The following NOL4L variants were observed in gnomAD, a reference collection of about 807,000 sequenced individuals.
NOL4L encodes nucleolar protein 4-like.
Under a neutral mutation model 64.5 loss-of-function variants are expected in NOL4L, and 7 were observed. The ratio of observed to expected loss-of-function variants is 0.11; its 90% CI spans 0.06 to 0.20. The LOEUF (loss-of-function observed/expected upper bound fraction) is 0.20, where lower values mean the gene tolerates loss of function less well. Among genes scored for constraint, NOL4L ranks in the 10% least tolerant of loss-of-function variants. The pLI is 1.00. For missense variants in NOL4L, 680 were observed against 967.1 expected, an observed-to-expected ratio of 0.70 and a Z score of 3.94; for synonymous variants, 413 against 401.0, an observed-to-expected ratio of 1.03 and a Z score of -0.36.
intron 1 of NOL4L, among the ~76,000 whole-genome samples, chr20:32,562,076 T>C (rs1267593230): frequency 6.6e-6 from 1 of 152,116 alleles, no homozygotes; most frequent in East Asian, 1.9e-4. Context: ...CCGAGGGCCA[T>C]GGGGTGCCTG....
chr20:32,447,827 G>A lies in NOL4L; in HGVS notation c.1823-11C>T, dbSNP rs183406769. ...TGAGGTCCGTGGGCCCTGTGGAGAG[G>A]GAAGTAGGGTGAGAAGGGAGCAGCC... On this transcript the variant is annotated splice_polypyrimidine_tract_variant and intron_variant, in intron 10 of 10. Transcript: ENST00000621426. 7,485 of 1,535,296 alleles carry A rather than the reference G, an allele frequency of 4.9e-3. 25 individuals are homozygous for A. The highest frequency in any genetic ancestry group is 6.0e-3 in the Non-Finnish European group (6,846 of 1,139,802).
intron 1 of NOL4L, among the ~76,000 whole-genome samples, chr20:32,567,729 G>A (rs1979513354): frequency 6.6e-6 from 1 of 152,196 alleles, no homozygotes; most frequent in Non-Finnish European, 1.5e-5. Flanking sequence ...TGCTGCAGGA[G>A]CCCAATGTGC....
Position 32,475,386 on chromosome 20 carries a change from T to A in NOL4L, c.700-644A>T, listed in dbSNP as rs188103351. ...AGGAAGGGGGCGGGGCAGGCCAGGG[T>A]TCGGACCAGACCGCAAAGGGGGTTC... On this transcript the variant is annotated intron_variant, in intron 4 of 10. Transcript: ENST00000621426. 3,889 of 980,216 alleles carry A rather than the reference T, an allele frequency of 4.0e-3. 12 individuals carry two copies. Among genetic ancestry groups the A allele is most frequent in the Non-Finnish European group, 4.2e-3 (3,440 of 825,194 alleles). 60.7% of individuals were successfully genotyped at this position (980,216 alleles called of 1,614,324 possible). A position where few individuals can be genotyped will look rare whatever the true frequency, so the allele number is the denominator to read the frequency against.
intron 1 of NOL4L, among the ~76,000 whole-genome samples, chr20:32,560,374 G>C (rs62208017): frequency 0.044 from 6,763 of 152,286 alleles, 328 homozygotes; most frequent in African/African-American, 0.12. Context: ...AGGAAACTGA[G>C]GCTCAGAGAG....
At chr20:32,459,359 G>A (rs142840250) in intron 5 of NOL4L, among the ~76,000 whole-genome samples, 10 of 149,390 alleles carry the variant, frequency 6.7e-5, no homozygotes, top group Admixed American at 4.0e-4. Flanking sequence ...CCCCAGCAGC[G>A]CACACCACGA....
At chr20:32,476,920 C>A (rs904405758) in intron 4 of NOL4L, among the ~76,000 whole-genome samples, 1 of 152,222 alleles carries the variant, frequency 6.6e-6, no homozygotes, top group Non-Finnish European at 1.5e-5. Context: ...TGTGGCTCCA[C>A]GCAAGTTTCA....
At position 32,464,972 on chromosome 20, in the gene NOL4L, T is replaced by C; in HGVS notation, c.842-8577A>G. The C allele has an allele frequency of 1.8e-6, 1 of 557,378 alleles. No individual in the cohort carries two copies. Among genetic ancestry groups the C allele is most frequent in the Non-Finnish European group, 3.3e-6 (1 of 306,820 alleles). The allele number at this position is 557,378 out of a possible 1,614,324, so 34.5% of individuals were successfully genotyped here. A position where few individuals can be genotyped will look rare whatever the true frequency, so the allele number is the denominator to read the frequency against. ...AGGCTCAGTAGCCGTCCTTGGCTAA[T>C]GAATTAGACGTCACACACCTAGATC... On this transcript the variant is annotated intron_variant, in intron 5 of 10. Coordinates refer to ENST00000621426, the MANE Select transcript of NOL4L (RefSeq NM_001256798.2). The surrounding 1 kb of genome is among the most constrained non-coding windows in gnomAD (Gnocchi z 5.6).
intron 4 of NOL4L, chr20:32,483,540 G>A (rs1323612469): frequency 1.0e-6 from 1 of 979,708 alleles, no homozygotes; most frequent in Non-Finnish European, 1.2e-6. Flanking sequence ...GGGTGGCCAG[G>A]AGGAGGGCCC....
In NOL4L at chr20:32,507,460, T is replaced by C. The variant is rs1308739092; in HGVS notation, c.699+3887A>G. On this transcript the variant is annotated intron_variant, in intron 4 of 10. Transcript: ENST00000621426. ...TGAATCTTGTTATTGAATTTTCATATTATCTAATACCCTCTGCAGAGAAGG... is the reference window on the plus strand; with the variant it reads ...TGAATCTTGTTATTGAATTTTCATACTATCTAATACCCTCTGCAGAGAAGG... 2.6e-5 allele frequency among the ~76,000 whole-genome samples: 4 copies of C among 152,188 alleles called. No homozygotes were observed. The East Asian group carries it at 7.7e-4, about 29-fold the overall frequency.
At chr20:32,534,262 A>C (rs1268591534) in intron 1 of NOL4L, among the ~76,000 whole-genome samples, 1 of 152,172 alleles carries the variant, frequency 6.6e-6, no homozygotes, top group Non-Finnish European at 1.5e-5. Context: ...CTTCTGGTGC[A>C]TTTCGGATCC....
In NOL4L at chr20:32,532,005, C is replaced by T. The variant is rs117991207; in HGVS notation, c.322-4092G>A. Among the ~76,000 whole-genome samples, 52 of 152,266 alleles carry T rather than the reference C, an allele frequency of 3.4e-4. 1 individual carries two copies. The East Asian group carries it at 9.1e-3, about 27-fold the overall frequency. ...CAAAAGTCAAAGTGTAATTGACCAA[C>T]CCAGATAAAAAAGCAAAACGTACTG... On this transcript the variant is annotated intron_variant, in intron 1 of 10. Coordinates refer to ENST00000621426, the MANE Select transcript of NOL4L (RefSeq NM_001256798.2).
chr20:32,483,409 G>GATCC, intron 4 of NOL4L: 21 of 986,772 alleles, frequency 2.1e-5, no homozygotes, highest in Non-Finnish European at 2.5e-5. Context: ...CCGCGAGTGA[G>GATCC]CGGGGCGGGC....
chr20:32,553,943 G>T (rs1978468377), intron 1 of NOL4L, among the ~76,000 whole-genome samples: 1 of 152,212 alleles, frequency 6.6e-6, no homozygotes, highest in Non-Finnish European at 1.5e-5. Flanking sequence ...GGAGTAGACA[G>T]GAACTCTCTG....
chr20:32,569,435 C>T (rs556083177), intron 1 of NOL4L, among the ~76,000 whole-genome samples: 4 of 152,168 alleles, frequency 2.6e-5, no homozygotes, highest in South Asian at 2.1e-4. Flanking sequence ...TGAAGCGGGG[C>T]GGAAGTAACA....
At chr20:32,467,713 G>T (rs768211774) in intron 5 of NOL4L, among the ~76,000 whole-genome samples, 1 of 152,194 alleles carries the variant, frequency 6.6e-6, no homozygotes, top group Non-Finnish European at 1.5e-5. Flanking sequence ...CGCCTGGCAA[G>T]GTGGGCCAAG....
intron 3 of NOL4L, among the ~76,000 whole-genome samples, chr20:32,515,325 A>G (rs977512311): frequency 2.0e-5 from 3 of 152,038 alleles, no homozygotes; most frequent in South Asian, 4.1e-4. Context: ...CTGTAAGGTG[A>G]AATGCTTGAT....
intron 4 of NOL4L, among the ~76,000 whole-genome samples, chr20:32,488,799 CTTTCTTTTTCTTTCTTTCTTTCTT>C (rs2016258970): frequency 2.7e-5 from 1 of 36,538 alleles, no homozygotes; most frequent in Non-Finnish European, 4.8e-5. Flanking sequence ...TCCTTTCTTT[CTTTCTTTTTCTTTCTTTCTTTCTT>C]TCTTTTTCTT....
intron 4 of NOL4L, among the ~76,000 whole-genome samples, chr20:32,485,144 G>C (rs936815474): frequency 7.0e-6 from 1 of 141,910 alleles, no homozygotes; most frequent in Admixed American, 7.3e-5. Context: ...GGTCGCATCC[G>C]AAGAGGAAGG....
chr20:32,543,995 G>A lies in NOL4L; in HGVS notation c.322-16082C>T, dbSNP rs546935705. 3.3e-5 allele frequency among the ~76,000 whole-genome samples: 5 copies of A among 152,156 alleles called. No homozygotes were observed. In the South Asian group the frequency reaches 8.3e-4, roughly 25 times the overall value. On this transcript the variant is annotated intron_variant, in intron 1 of 10. Coordinates refer to ENST00000621426, the MANE Select transcript of NOL4L (RefSeq NM_001256798.2). The stretch of plus-strand genomic sequence containing the variant: ...TTCAGGCAGGCAGGCGGCCGGCATC[G>A]TGGGCAGTGGTGTGTAGGATGGTGG...
Sources: gnomAD v4.1 joint callset for allele counts (sites outside exome capture counted in the v4.1 genomes callset) on GRCh38, gnomAD v4.1.1 for gene constraint, Gnocchi (gnomAD v3.1) non-coding constraint, MANE v1.5 for transcripts, NCBI Gene and HGNC (gene_info 2026-07-23, HGNC 2026-07-21) for gene names.